BCHE: variants seen among roughly 807,000 people sequenced by gnomAD.
The protein encoded by BCHE is cholinesterase.
A neutral mutation model predicts 51.3 loss-of-function variants in BCHE; 48 were observed. That is an observed-to-expected ratio of 0.94 (90% confidence interval 0.74 to 1.19). The LOEUF is 1.19. Among genes scored for constraint, BCHE ranks in the 50% most tolerant of loss-of-function variants. BCHE has a pLI of 0.00. For missense variants in BCHE, 847 were observed against 708.2 expected (o/e 1.20, Z -2.23); for synonymous variants, 251 against 238.0 (o/e 1.05, Z -0.50).
At chr3:165,809,694 T>C (rs546439821) in intron 2 of BCHE, among the ~76,000 whole-genome samples, 1 of 152,248 alleles carries the variant, frequency 6.6e-6, no homozygotes, top group South Asian at 2.1e-4. Context: ...CAAATTTCCA[T>C]GCATTTTCAT....
At chr3:165,781,591 G>T (rs1712701173) in intron 3 of BCHE, among the ~76,000 whole-genome samples, 1 of 149,830 alleles carries the variant, frequency 6.7e-6, no homozygotes, top group Non-Finnish European at 1.5e-5. Flanking sequence ...GGGCCAGTCG[G>T]GGGTGGAGGG....
chr3:165,807,677 C>T (rs1009098647), intron 2 of BCHE, among the ~76,000 whole-genome samples: 4 of 151,818 alleles, frequency 2.6e-5, no homozygotes, highest in African/African-American at 9.7e-5. Flanking sequence ...GCCTCAGCCT[C>T]CAGAGTACCT....
chr3:165,818,017 T>C (rs1303847296), intron 2 of BCHE, among the ~76,000 whole-genome samples: 1 of 152,108 alleles, frequency 6.6e-6, no homozygotes, highest in Non-Finnish European at 1.5e-5. Flanking sequence ...TAACTTGTGA[T>C]TTTAAAAGCA....
intron 2 of BCHE, among the ~76,000 whole-genome samples, chr3:165,817,810 T>C (rs1054296059): frequency 3.9e-5 from 6 of 151,918 alleles, no homozygotes; most frequent in Non-Finnish European, 7.4e-5. Flanking sequence ...ATTGAGGTAA[T>C]AGGGATGCAG....
At chr3:165,806,856 A>C (rs1489101500) in intron 2 of BCHE, among the ~76,000 whole-genome samples, 1 of 152,056 alleles carries the variant, frequency 6.6e-6, no homozygotes, top group African/African-American at 2.4e-5. Context: ...TGATTATGCA[A>C]AACTCAGTTA....
intron 1 of BCHE, among the ~76,000 whole-genome samples, 161 bp from the exon 2 acceptor site, chr3:165,831,202 C>A: frequency 6.6e-6 from 1 of 150,762 alleles, no homozygotes; most frequent in Admixed American, 6.6e-5. Flanking sequence ...AAATAGAAAA[C>A]AGAGATATTT....
At chr3:165,802,096 A>G (rs1446128812) in intron 2 of BCHE, among the ~76,000 whole-genome samples, 1 of 152,206 alleles carries the variant, frequency 6.6e-6, no homozygotes, top group East Asian at 1.9e-4. Context: ...TGAGGTGAGA[A>G]CTGTATGCTG....
chr3:165,806,613 G>A (rs1405509505), intron 2 of BCHE, among the ~76,000 whole-genome samples: 1 of 152,072 alleles, frequency 6.6e-6, no homozygotes, highest in Non-Finnish European at 1.5e-5. Context: ...ATACAGATGT[G>A]AGGTAACATT....
At chr3:165,791,241 G>A (rs1281711599) in intron 2 of BCHE, among the ~76,000 whole-genome samples, 3 of 149,838 alleles carry the variant, frequency 2.0e-5, no homozygotes, top group Non-Finnish European at 4.5e-5. Flanking sequence ...GTTGCAATGA[G>A]CCGAGATCAC....
In BCHE at chr3:165,830,513, T is replaced by G. The variant is rs147790353; in HGVS notation, c.521A>C (p.Tyr174Ser). 2 of 1,613,970 alleles carry G rather than the reference T, an allele frequency of 1.2e-6. No homozygotes were observed. Among genetic ancestry groups the G allele is most frequent in the South Asian group, 1.1e-5 (1 of 91,088 alleles). ...TAAGAATCCTAGGGCACCCACCCTATAGTTCATTGACACTACAATAACTCT... is the reference window on the plus strand; with the variant it reads ...TAAGAATCCTAGGGCACCCACCCTAGAGTTCATTGACACTACAATAACTCT... ...VERVIVVSMN[Y>S]RVGALGFLAL... Residue 174 changes from tyrosine (Y) to serine (S), a missense_variant, in exon 2 of 4, where the codon TAT (tyrosine) becomes TCT (serine). By Grantham distance (144) the Tyr-to-Ser change is moderately radical. Transcript: ENST00000264381.
At chr3:165,805,712 AACTT>A (rs1455757762) in intron 2 of BCHE, among the ~76,000 whole-genome samples, 2 of 152,208 alleles carry the variant, frequency 1.3e-5, no homozygotes, top group East Asian at 1.9e-4. Flanking sequence ...ATTTTTGTTA[AACTT>A]ACTTTCTTTG....
chr3:165,815,954 T>G (rs1714299415), intron 2 of BCHE, among the ~76,000 whole-genome samples: 2 of 151,982 alleles, frequency 1.3e-5, no homozygotes, highest in African/African-American at 4.8e-5. Flanking sequence ...TCAGTTCTAT[T>G]GTAAGGTTAC....
chr3:165,774,542 G>T lies in BCHE; in HGVS notation c.1685-1036C>A, dbSNP rs529774393. Among the ~76,000 whole-genome samples, 21 of 152,048 alleles carry T rather than the reference G, an allele frequency of 1.4e-4. No homozygotes were observed. The South Asian group carries it at 3.7e-3, about 27-fold the overall frequency. On this transcript the variant is annotated intron_variant, in intron 3 of 3. Transcript: ENST00000264381. Reference sequence around the variant, plus strand: ...GTAGAGATGGGGTTTCACCATGTTGGTTGGCCAGGCTGGTCTCGACCTCCT... The same window carrying T: ...GTAGAGATGGGGTTTCACCATGTTGTTTGGCCAGGCTGGTCTCGACCTCCT...
At chr3:165,791,426 G>C (rs1304678078) in intron 2 of BCHE, among the ~76,000 whole-genome samples, 1 of 152,208 alleles carries the variant, frequency 6.6e-6, no homozygotes, top group African/African-American at 2.4e-5. Flanking sequence ...ATTTAGGTGA[G>C]AAGTGTTGGT....
Position 165,829,888 on chromosome 3 carries a change from T to G in BCHE, c.1146A>C (p.Leu382Phe), listed in dbSNP as rs748608343. 39 of 1,611,544 alleles carry G rather than the reference T, an allele frequency of 2.4e-5. No homozygotes were observed. Among genetic ancestry groups the G allele is most frequent in the Middle Eastern group, 1.7e-4 (1 of 6,030 alleles). Reference protein sequence around the residue: ...IITRKEFQEGLKIFFPGVSEF... With the variant: ...IITRKEFQEGFKIFFPGVSEF... ...CACTCACTCCTGGAAAAAATATTTT[T>G]AAACCTTCCTGAAATTCTTTTCTAG... The change falls in exon 2 of 4, where the codon TTA (leucine) becomes TTC (phenylalanine). Residue 382 changes from leucine to phenylalanine, a missense_variant. Leu to Phe is a conservative substitution (Grantham distance 22). Coordinates refer to ENST00000264381, the MANE Select transcript of BCHE (RefSeq NM_000055.4).
intron 1 of BCHE, among the ~76,000 whole-genome samples, chr3:165,831,816 A>G (rs1291659492): frequency 1.3e-5 from 2 of 152,216 alleles, no homozygotes; most frequent in African/African-American, 2.4e-5. Context: ...ACTCTTTACC[A>G]GATTTATAAT....
At chr3:165,800,066 A>G (rs964370203) in intron 2 of BCHE, among the ~76,000 whole-genome samples, 4 of 152,020 alleles carry the variant, frequency 2.6e-5, no homozygotes, top group Non-Finnish European at 5.9e-5. Flanking sequence ...AAAGATTTCT[A>G]TTCTTAAATT....
chr3:165,784,737 T>C (rs767348513), intron 3 of BCHE, among the ~76,000 whole-genome samples: 5 of 151,914 alleles, frequency 3.3e-5, no homozygotes, highest in Non-Finnish European at 2.9e-5. Context: ...TCACACATGA[T>C]TTAACCAGAA....
chr3:165,786,630 G>A (rs187286151), intron 2 of BCHE, among the ~76,000 whole-genome samples: 3 of 151,740 alleles, frequency 2.0e-5, no homozygotes, highest in African/African-American at 7.2e-5. Flanking sequence ...TCAAAGGGTG[G>A]TGTTACTTTT....
Sources: gnomAD v4.1 joint callset for allele counts (sites outside exome capture counted in the v4.1 genomes callset) on GRCh38, gnomAD v4.1.1 for gene constraint, MANE v1.5 for transcripts, NCBI Gene and HGNC (gene_info 2026-07-23, HGNC 2026-07-21) for gene names.